The following PLXNA4 variants were observed in gnomAD, a reference collection of about 807,000 sequenced individuals.
The protein encoded by PLXNA4 is plexin A4.
In PLXNA4, 44 loss-of-function variants were observed where a neutral mutation model predicts 191.8. The ratio of observed to expected loss-of-function variants is 0.23; its 90% CI spans 0.18 to 0.29. The LOEUF (loss-of-function observed/expected upper bound fraction) is 0.29, where lower values mean the gene tolerates loss of function less well. Ranked by LOEUF, PLXNA4 falls within the 10% of genes least tolerant of loss-of-function variation. The probability of loss-of-function intolerance (pLI) is 1.00; values close to 1 mark genes in which losing one functional copy is unlikely to be tolerated. For synonymous variants in PLXNA4, 1,082 were observed against 1,009.5 expected (o/e 1.07, Z -1.36); for missense variants, 1,800 against 2,488.8 (o/e 0.72, Z 5.89).
At chr7:132,146,766 T>C (rs1424543779) in intron 27 of PLXNA4, 66 bp from the exon 28 acceptor site, 11 of 1,581,676 alleles carry the variant, frequency 7.0e-6, no homozygotes, top group African/African-American at 2.7e-5. Context: ...TCACTTACCA[T>C]GCATCCCTTG....
At chr7:132,184,295 G>A (rs1448652327) in intron 16 of PLXNA4, among the ~76,000 whole-genome samples, 2 of 152,206 alleles carry the variant, frequency 1.3e-5, no homozygotes, top group Non-Finnish European at 2.9e-5. Flanking sequence ...CTATGAGAGT[G>A]GACAAATGAG....
At chr7:132,528,653 CTCTT>C (rs573808340) in intron 1 of PLXNA4, among the ~76,000 whole-genome samples, 4 of 152,232 alleles carry the variant, frequency 2.6e-5, no homozygotes, top group African/African-American at 9.6e-5. Flanking sequence ...GGGAGCACCT[CTCTT>C]CCTTACTTGT....
At chr7:132,569,518 G>A (rs1045247082) in intron 1 of PLXNA4, among the ~76,000 whole-genome samples, 1 of 152,160 alleles carries the variant, frequency 6.6e-6, no homozygotes, top group Non-Finnish European at 1.5e-5. Context: ...AAATTTCACT[G>A]GAGCAAAGAT....
intron 25 of PLXNA4, among the ~76,000 whole-genome samples, chr7:132,149,430 C>T (rs113931704): frequency 6.2e-4 from 94 of 152,320 alleles, no homozygotes; most frequent in African/African-American, 1.8e-3. Context: ...GTACAAATCA[C>T]GTGTAGGTGG....
At position 132,173,165 on chromosome 7, in the gene PLXNA4, A is replaced by G. The variant is rs6969663; in HGVS notation, c.4017+1613T>C. 5.0e-3 allele frequency among the ~76,000 whole-genome samples: 756 copies of G among 152,268 alleles called. 10 individuals are homozygous for G. Among genetic ancestry groups the G allele is most frequent in the African/African-American group, 0.017 (721 of 41,544 alleles). ...TTGTCCCTCTTGTGTCTCACTTTAA[A>G]CAGGAATTTGTATACTCTCCAGGGC... On this transcript the variant is annotated intron_variant, in intron 21 of 31. Transcript: ENST00000321063.
Position 132,240,900 on chromosome 7 carries a change from A to G in PLXNA4, c.1604+166T>C, listed in dbSNP as rs537144664. ...CAAATTTAAAGGGAAGTCAGAAAGA[A>G]CAAAGGAAGGGAGATAACATTTGGA... On this transcript the variant is annotated intron_variant, in intron 5 of 31. Transcript: ENST00000321063. Among the ~76,000 whole-genome samples the G allele has an allele frequency of 4.3e-3, 648 of 152,370 alleles. 3 individuals are homozygous for G. Among genetic ancestry groups the G allele is most frequent in the Non-Finnish European group, 7.2e-3 (492 of 68,034 alleles).
intron 27 of PLXNA4, among the ~76,000 whole-genome samples, 192 bp from the exon 28 acceptor site, chr7:132,146,892 A>ACTAT (rs1194607477): frequency 6.6e-6 from 1 of 152,146 alleles, no homozygotes; most frequent in East Asian, 1.9e-4. Flanking sequence ...CCTCCAGGAA[A>ACTAT]CTATCTGTGG....
At chr7:132,389,352 T>G (rs1422300156) in intron 3 of PLXNA4, among the ~76,000 whole-genome samples, 1 of 152,256 alleles carries the variant, frequency 6.6e-6, no homozygotes. Context: ...CATGCCAATG[T>G]CCTGAATGGT....
chr7:132,155,258 C>T (rs1584772429), intron 25 of PLXNA4, among the ~76,000 whole-genome samples: 4 of 152,226 alleles, frequency 2.6e-5, no homozygotes, highest in Admixed American at 2.6e-4. Flanking sequence ...TGGGAGTTCT[C>T]TCCACCTCCC....
intron 12 of PLXNA4, 28 bp from the exon 13 acceptor site, chr7:132,198,664 C>T (rs1318147704): frequency 3.7e-6 from 6 of 1,611,892 alleles, no homozygotes; most frequent in African/African-American, 1.3e-5. Flanking sequence ...AATAATTAGA[C>T]AAACACCAAG....
At chr7:132,152,447 G>A (rs539253305) in intron 25 of PLXNA4, among the ~76,000 whole-genome samples, 7 of 152,296 alleles carry the variant, frequency 4.6e-5, no homozygotes, top group African/African-American at 1.7e-4. Flanking sequence ...GTGCTGTGTT[G>A]CATATTCAGT....
intron 2 of PLXNA4, among the ~76,000 whole-genome samples, chr7:132,635,306 G>C (rs900239694): frequency 6.6e-6 from 1 of 151,606 alleles, no homozygotes; most frequent in Non-Finnish European, 1.5e-5. Context: ...AGGTCATAGC[G>C]TACTTAGTTT....
At chr7:132,383,416 G>GA (rs1416017357) in intron 3 of PLXNA4, 1 of 404,524 alleles carries the variant, frequency 2.5e-6, no homozygotes, top group Non-Finnish European at 3.3e-6. Flanking sequence ...AGAAAATTAA[G>GA]AAAAAATGTA....
At chr7:132,217,990 C>T (rs1798022564) in intron 9 of PLXNA4, among the ~76,000 whole-genome samples, 1 of 145,122 alleles carries the variant, frequency 6.9e-6, no homozygotes, top group Non-Finnish European at 1.5e-5. Flanking sequence ...CCCAGGAATG[C>T]CTTCCCTGCA....
At chr7:132,436,413 C>T (rs1488515888) in intron 3 of PLXNA4, among the ~76,000 whole-genome samples, 1 of 152,208 alleles carries the variant, frequency 6.6e-6, no homozygotes, top group East Asian at 1.9e-4. Flanking sequence ...CCCAGCCATC[C>T]TGGAGCCAGG....
chr7:132,374,950 G>A (rs1161523514), intron 3 of PLXNA4, among the ~76,000 whole-genome samples: 1 of 152,192 alleles, frequency 6.6e-6, no homozygotes, highest in African/African-American at 2.4e-5. Flanking sequence ...TCTTTTCAAG[G>A]TGTCAGAGAG....
chr7:132,260,207 G>A (rs528596272), intron 4 of PLXNA4, among the ~76,000 whole-genome samples: 42 of 152,222 alleles, frequency 2.8e-4, no homozygotes, highest in Middle Eastern at 3.4e-3. Context: ...ACCTGCACTC[G>A]TATGTTTATC....
intron 3 of PLXNA4, among the ~76,000 whole-genome samples, chr7:132,365,028 T>C (rs1035106417): frequency 6.6e-6 from 1 of 152,096 alleles, no homozygotes; most frequent in African/African-American, 2.4e-5. Context: ...CACCAAACTC[T>C]CCCTGACAGA....
chr7:132,573,838 G>A (rs902576643), intron 1 of PLXNA4, among the ~76,000 whole-genome samples: 14 of 152,136 alleles, frequency 9.2e-5, no homozygotes, highest in Admixed American at 2.0e-4. Context: ...CTTAAGCACC[G>A]TCTACCAGGC....
Sources: gnomAD v4.1 joint callset for allele counts (sites outside exome capture counted in the v4.1 genomes callset) on GRCh38, gnomAD v4.1.1 for gene constraint, MANE v1.5 for transcripts, NCBI Gene and HGNC (gene_info 2026-07-23, HGNC 2026-07-21) for gene names.